PTDSS2: variants seen among roughly 807,000 people sequenced by gnomAD.
The protein encoded by PTDSS2 is PSS-2.
PTDSS2 carries 41 observed loss-of-function variants against 64.7 expected under a neutral mutation model. That is an observed-to-expected ratio of 0.63 (90% CI 0.49 to 0.82). PTDSS2 has a LOEUF of 0.82. PTDSS2 is among the 40% of genes least tolerant of loss of function. The pLI is 0.00. For synonymous variants in PTDSS2, 297 were observed against 277.8 expected (o/e 1.07, Z -0.69); for missense variants, 485 against 650.0 (o/e 0.75, Z 2.76).
chr11:488,475 T>C, intron 7 of PTDSS2, 54 bp from the exon 8 acceptor site: 1 of 1,502,840 alleles, frequency 6.7e-7, no homozygotes, highest in African/African-American at 1.4e-5. Context: ...GGGGTCCTCC[T>C]CGGGGGGCTC....
At chr11:482,346 C>T (rs1345338899) in intron 4 of PTDSS2, among the ~76,000 whole-genome samples, 1 of 152,086 alleles carries the variant, frequency 6.6e-6, no homozygotes, top group Non-Finnish European at 1.5e-5. Context: ...CCTCACCCTC[C>T]GTAGTAGCTG....
chr11:464,538 G>A (rs1013252259), intron 2 of PTDSS2, among the ~76,000 whole-genome samples: 5 of 152,218 alleles, frequency 3.3e-5, no homozygotes, highest in African/African-American at 4.8e-5. Context: ...CTGGGTGAGA[G>A]CAGGGTCTGT....
intron 5 of PTDSS2, 47 bp from the exon 6 acceptor site, chr11:487,373 G>A: frequency 6.4e-7 from 1 of 1,561,716 alleles, no homozygotes; most frequent in Non-Finnish European, 8.8e-7. Context: ...GTGGGGAGTG[G>A]GGGTGGCTGT....
chr11:486,942 G>A lies in PTDSS2; in HGVS notation c.439G>A (p.Val147Ile). The part of the protein sequence containing the change: ...LFLIFILFQT[V>I]QDGRQFLKYV... ...GACGGGGGCACTGGCCTTGCAGACT[G>A]TCCAGGACGGCCGGCAGTTTCTAAA... The change falls in exon 5 of 12, where the codon GTC becomes ATC. Residue 147 changes from valine to isoleucine, a missense_variant. Coordinates refer to ENST00000308020, the MANE Select transcript of PTDSS2 (RefSeq NM_030783.3). The A allele has an allele frequency of 6.2e-7, 1 of 1,612,096 alleles. No individual in the cohort carries two copies. The highest frequency in any genetic ancestry group is 8.5e-7 in the Non-Finnish European group (1 of 1,179,324).
At chr11:451,367 C>G (rs187029992) in intron 1 of PTDSS2, 9 of 445,258 alleles carry the variant, frequency 2.0e-5, no homozygotes, top group Non-Finnish European at 4.1e-5. Flanking sequence ...CTCCAGGTGC[C>G]GCTCCTACTC....
intron 1 of PTDSS2, among the ~76,000 whole-genome samples, chr11:453,886 C>T (rs1241966011): frequency 2.6e-5 from 4 of 152,258 alleles, no homozygotes; most frequent in Admixed American, 6.5e-5. Context: ...GCTGTCTTCA[C>T]GCCCTCACCC....
At chr11:488,825 C>T (rs1190062001) in intron 8 of PTDSS2, among the ~76,000 whole-genome samples, 178 bp downstream of exon 8, 1 of 152,188 alleles carries the variant, frequency 6.6e-6, no homozygotes, top group Non-Finnish European at 1.5e-5. Context: ...CAAGCCCGGC[C>T]GCCCCTCACA....
chr11:469,573 G>C (rs1018995248), intron 2 of PTDSS2, among the ~76,000 whole-genome samples: 2 of 152,134 alleles, frequency 1.3e-5, no homozygotes, highest in African/African-American at 4.8e-5. Context: ...AGTGGCCGCT[G>C]TGATGGTGGA....
intron 1 of PTDSS2, among the ~76,000 whole-genome samples, chr11:455,895 G>A (rs1412313338): frequency 2.6e-5 from 4 of 152,194 alleles, no homozygotes; most frequent in East Asian, 1.9e-4. Flanking sequence ...GTCTTCTCCC[G>A]GGTGTGGCTG....
chr11:489,823 C>T (rs2133845961), intron 10 of PTDSS2, 60 bp from the exon 11 acceptor site: 2 of 1,547,302 alleles, frequency 1.3e-6, no homozygotes, highest in Non-Finnish European at 1.7e-6. Flanking sequence ...GGAGCCTGGG[C>T]AAGTCCGCCT....
At position 489,550 on chromosome 11, in the gene PTDSS2, G is replaced by T. The variant is rs772499078; in HGVS notation, c.969+36G>T. On this transcript the variant is annotated intron_variant, in intron 9 of 11. Transcript: ENST00000308020. ...GCTGCCTCGCGACGGCGCGGCGGGC[G>T]GGGGGCCAGAGCTGGTGCTCACCCT... 14 of 1,608,032 alleles carry T rather than the reference G, an allele frequency of 8.7e-6. No individual in the cohort carries two copies. The African/African-American group carries it at 1.1e-4, about 12-fold the overall frequency.
intron 8 of PTDSS2, 39 bp from the exon 9 acceptor site, chr11:489,361 G>A (rs371252661): frequency 2.6e-6 from 4 of 1,558,626 alleles, no homozygotes; most frequent in Non-Finnish European, 3.5e-6. Context: ...AGGGTTCGGT[G>A]GGCTGCCTTC....
intron 1 of PTDSS2, among the ~76,000 whole-genome samples, chr11:454,138 C>G (rs868779045): frequency 6.6e-6 from 1 of 152,170 alleles, no homozygotes; most frequent in African/African-American, 2.4e-5. Context: ...CTCACTAATA[C>G]GGACCTTACT....
At chr11:459,210 G>A (rs1474299825) in intron 1 of PTDSS2, 1 of 3,054 alleles carries the variant, frequency 3.3e-4, no homozygotes, top group Admixed American at 3.5e-3. Flanking sequence ...TGGGTTAGAC[G>A]TGAGGACACA....
At chr11:458,281 T>A (rs981818276) in intron 1 of PTDSS2, among the ~76,000 whole-genome samples, 49 of 150,976 alleles carry the variant, frequency 3.2e-4, no homozygotes, top group Non-Finnish European at 6.2e-4. Flanking sequence ...CTCGGCTCAC[T>A]GCAGGCTCCG....
At position 486,932 on chromosome 11, in the gene PTDSS2, C is replaced by T; in HGVS notation, c.436-7C>T. On this transcript the variant is annotated splice_polypyrimidine_tract_variant and splice_region_variant and intron_variant, in intron 4 of 11. Coordinates refer to ENST00000308020, the MANE Select transcript of PTDSS2 (RefSeq NM_030783.3). The stretch of plus-strand genomic sequence containing the variant: ...TAGCCCCGCTGACGGGGGCACTGGC[C>T]TTGCAGACTGTCCAGGACGGCCGGC... 2 of 1,607,980 alleles carry T rather than the reference C, an allele frequency of 1.2e-6. No individual in the cohort carries two copies. Among genetic ancestry groups the T allele is most frequent in the Non-Finnish European group, 1.7e-6 (2 of 1,176,678 alleles).
chr11:486,461 G>A (rs142285815), intron 4 of PTDSS2, among the ~76,000 whole-genome samples: 416 of 152,308 alleles, frequency 2.7e-3, no homozygotes, highest in Non-Finnish European at 4.5e-3. Flanking sequence ...TTCCCCACGC[G>A]CTGCCCCACC....
chr11:490,891 C>T lies in PTDSS2; in HGVS notation c.*309C>T. The stretch of plus-strand genomic sequence containing the variant: ...AGGCTTCTCCAGAGCTGGGAGCTGG[C>T]TGGCGTGGCAAGGGCATGCTCTGGG... On this transcript the variant is annotated 3_prime_UTR_variant, in exon 12 of 12. Coordinates refer to ENST00000308020, the MANE Select transcript of PTDSS2 (RefSeq NM_030783.3). 2.6e-6 allele frequency: 1 copy of T among 390,984 alleles called. No individual in the cohort carries two copies. Among genetic ancestry groups the T allele is most frequent in the Non-Finnish European group, 4.6e-6 (1 of 216,486 alleles). 24.2% of individuals were successfully genotyped at this position (390,984 alleles called of 1,614,324 possible). A position where few individuals can be genotyped will look rare whatever the true frequency, so the allele number is the denominator to read the frequency against.
At chr11:483,672 C>T (rs1406936553) in intron 4 of PTDSS2, among the ~76,000 whole-genome samples, 1 of 152,140 alleles carries the variant, frequency 6.6e-6, no homozygotes, top group Non-Finnish European at 1.5e-5. Flanking sequence ...CCTGCTGGGT[C>T]CCAGGGTGTG....
Sources: allele counts gnomAD v4.1 joint callset (sites outside exome capture counted in the v4.1 genomes callset), GRCh38; gene constraint gnomAD v4.1.1; transcripts MANE v1.5; gene names NCBI Gene and HGNC (gene_info 2026-07-23, HGNC 2026-07-21).